Variants in DOCK8 observed in about 807,000 individuals in gnomAD.
DOCK8 encodes dedicator of cytokinesis 8.
In DOCK8, 141 loss-of-function variants were observed where a neutral mutation model predicts 245.6. The ratio of observed to expected loss-of-function variants is 0.57; its 90% confidence interval spans 0.50 to 0.66. The LOEUF (loss-of-function observed/expected upper bound fraction) is 0.66. DOCK8 is among the 30% of genes least tolerant of loss of function. DOCK8 has a pLI of 0.00. For synonymous variants in DOCK8, 1,168 were observed against 970.2 expected, an observed-to-expected ratio of 1.20 and a Z score of -3.79; for missense variants, 2,965 against 2,603.4, an observed-to-expected ratio of 1.14 and a Z score of -3.02.
chr9:304,334 G>T (rs1301965230), intron 4 of DOCK8, among the ~76,000 whole-genome samples: 4 of 152,140 alleles, frequency 2.6e-5, no homozygotes, highest in African/African-American at 4.8e-5. Context: ...CCTCTGAAGT[G>T]GCATTTTCCC....
chr9:214,796 G>C, upstream of DOCK8: 2 of 1,578,126 alleles, frequency 1.3e-6, no homozygotes, highest in African/African-American at 2.8e-5. Flanking sequence ...TCGCTGCTCC[G>C]AGCTCGGACC....
rs1454954894 is a variant in DOCK8, at chr9:286,562, C to A, written c.258C>A (p.Phe86Leu). ...DVQLAQELGD[F>L]TDDDLDVVFT... is the part of the protein sequence containing the mutation. ...AGCTTGCCCAGGAGCTCGGGGACTT[C>A]ACTGATGACGACTTGGACGTGGTGT... Residue 86 changes from phenylalanine to leucine, a missense_variant, in exon 3 of 48, where the codon TTC becomes TTA. Phe to Leu is a conservative substitution (Grantham distance 22). This residue lies in a region of DOCK8 where 2,825 missense variants were observed against 2,453.5 expected (regional missense o/e 1.15). Coordinates refer to ENST00000432829, the MANE Select transcript of DOCK8 (RefSeq NM_203447.4). The A allele has an allele frequency of 1.2e-6, 2 of 1,613,866 alleles. No individual in the cohort carries two copies. Among genetic ancestry groups the A allele is most frequent in the African/African-American group, 2.7e-5 (2 of 74,874 alleles).
intron 1 of DOCK8, among the ~76,000 whole-genome samples, chr9:240,625 A>T (rs1424242213): frequency 6.6e-6 from 1 of 152,156 alleles, no homozygotes; most frequent in Non-Finnish European, 1.5e-5. Context: ...CTTATATTTA[A>T]GTCTGATATT....
intron 36 of DOCK8, 52 bp downstream of exon 36, chr9:429,906 G>T: frequency 6.2e-7 from 1 of 1,605,914 alleles, no homozygotes; most frequent in Non-Finnish European, 8.5e-7. Flanking sequence ...AAAAATTGAT[G>T]TAAAGCATCA....
chr9:214,307 G>A, upstream of DOCK8: 2 of 570,430 alleles, frequency 3.5e-6, no homozygotes. Flanking sequence ...TTCACGCCAG[G>A]TTGTGACGAA....
In DOCK8 at chr9:237,568, T is replaced by A. The variant is rs1171033644; in HGVS notation, c.53+22539T>A. ...TACTCAGGAGGCCAAGATGGAAGGA[T>A]CAATTGAGCCTGGGAGGTTGAGGCT... On this transcript the variant is annotated intron_variant, in intron 1 of 47. Coordinates refer to ENST00000432829, the MANE Select transcript of DOCK8 (RefSeq NM_203447.4). Among the ~76,000 whole-genome samples the A allele has an allele frequency of 7.9e-5, 12 of 152,128 alleles. No homozygotes were observed. The East Asian group carries it at 2.3e-3, about 29-fold the overall frequency.
At chr9:272,679 T>G (rs2048195533) in intron 2 of DOCK8, among the ~76,000 whole-genome samples, 1 of 152,176 alleles carries the variant, frequency 6.6e-6, no homozygotes, top group Non-Finnish European at 1.5e-5. Flanking sequence ...CCACTGCACC[T>G]GGCCCTAAAC....
chr9:454,768 C>T (rs75115696), intron 46 of DOCK8, among the ~76,000 whole-genome samples: 1 of 152,276 alleles, frequency 6.6e-6, no homozygotes, highest in East Asian at 1.9e-4. Context: ...CAGTATCTCA[C>T]GGGTATGATC....
chr9:356,721 G>C (rs2052466362), intron 14 of DOCK8, among the ~76,000 whole-genome samples: 1 of 152,040 alleles, frequency 6.6e-6, no homozygotes, highest in South Asian at 2.1e-4. Context: ...TTTTTGTAAG[G>C]AGGGAGGGTG....
chr9:247,784 T>A (rs1174525160), intron 1 of DOCK8, among the ~76,000 whole-genome samples: 1 of 152,020 alleles, frequency 6.6e-6, no homozygotes, highest in Non-Finnish European at 1.5e-5. Context: ...TGATCCACCC[T>A]CCTCGGCCTC....
intron 2 of DOCK8, among the ~76,000 whole-genome samples, chr9:276,763 G>C (rs1041439003): frequency 6.6e-6 from 1 of 152,164 alleles, no homozygotes; most frequent in Admixed American, 6.5e-5. Context: ...TCTATAATCA[G>C]TACCTCTGTT....
At chr9:281,812 A>C (rs1042565713) in intron 2 of DOCK8, among the ~76,000 whole-genome samples, 3 of 152,234 alleles carry the variant, frequency 2.0e-5, no homozygotes, top group Non-Finnish European at 4.4e-5. Context: ...TAGGGTCTCC[A>C]CCCACTTGCC....
intron 45 of DOCK8, 54 bp downstream of exon 45, chr9:449,981 T>TTA: frequency 6.3e-7 from 1 of 1,591,432 alleles, no homozygotes; most frequent in Non-Finnish European, 8.6e-7. Flanking sequence ...TAGGTTGTCA[T>TTA]TATACGTCTG....
At chr9:303,474 TG>T (rs1162997843) in intron 4 of DOCK8, among the ~76,000 whole-genome samples, 3 of 152,084 alleles carry the variant, frequency 2.0e-5, no homozygotes, top group African/African-American at 7.2e-5. Flanking sequence ...AACAAAATCA[TG>T]GGGGTTTTTT....
intron 1 of DOCK8, among the ~76,000 whole-genome samples, chr9:238,258 G>A (rs529224525): frequency 5.9e-5 from 9 of 152,182 alleles, no homozygotes; most frequent in Non-Finnish European, 1.3e-4. Flanking sequence ...CTGATTCCCA[G>A]CGAGATGTGG....
At chr9:355,224 A>G (rs1414822135) in intron 14 of DOCK8, among the ~76,000 whole-genome samples, 2 of 85,848 alleles carry the variant, frequency 2.3e-5, no homozygotes, top group Non-Finnish European at 2.2e-5. Context: ...TTTTTTTTTG[A>G]GACAGAGTCT....
At chr9:430,963 G>A (rs868768919) in intron 36 of DOCK8, among the ~76,000 whole-genome samples, 2 of 152,040 alleles carry the variant, frequency 1.3e-5, no homozygotes, top group African/African-American at 4.8e-5. Flanking sequence ...TTCAACTCCT[G>A]GGCTCAAATG....
At position 400,070 on chromosome 9, in the gene DOCK8, T is replaced by C. The variant is rs1255364380; in HGVS notation, c.3234+811T>C. 1.1e-3 allele frequency among the ~76,000 whole-genome samples: 35 copies of C among 31,946 alleles called. 2 individuals are homozygous for C. The highest frequency in any genetic ancestry group is 2.1e-3 in the South Asian group (2 of 958). 21.0% of individuals were successfully genotyped at this position (31,946 alleles called of 152,430 possible). On this transcript the variant is annotated intron_variant, in intron 26 of 47. Coordinates refer to ENST00000432829, the MANE Select transcript of DOCK8 (RefSeq NM_203447.4). ...TCCACCATCACCACCTCCTTCACCA[T>C]CACCATCACCACCACCTCCACCATC... is the stretch of plus-strand genomic sequence containing the variant.
chr9:446,284 C>T (rs887109301), intron 43 of DOCK8, 86 bp from the exon 44 acceptor site: 259 of 1,130,940 alleles, frequency 2.3e-4, no homozygotes, highest in Non-Finnish European at 3.1e-4. Context: ...GCCGGCACGC[C>T]GTGTTCCTGC....
Sources: gnomAD v4.1 joint callset for allele counts (sites outside exome capture counted in the v4.1 genomes callset) on GRCh38, gnomAD v4.1.1 for gene constraint, gnomAD v4.1.1 regional missense constraint, MANE v1.5 for transcripts, NCBI Gene and HGNC (gene_info 2026-07-23, HGNC 2026-07-21) for gene names.